The following YBEY variants were observed in gnomAD, a reference collection of about 807,000 sequenced individuals.
The protein encoded by YBEY is ybeY metalloendoribonuclease.
YBEY carries 15 observed loss-of-function variants against 13.5 expected under a neutral mutation model. That is an observed-to-expected ratio of 1.11 (90% CI 0.75 to 1.72). The LOEUF is 1.72. YBEY is among the 40% of genes most tolerant of loss of function. The probability of loss-of-function intolerance (pLI) is 0.00; values close to 1 mark genes in which losing one functional copy is unlikely to be tolerated. For synonymous variants in YBEY, 101 were observed against 83.1 expected (o/e 1.21, Z -1.17); for missense variants, 244 against 208.4 (o/e 1.17, Z -1.05).
At chr21:46,286,624 CAACCCG>C (rs2145742322) in intron 1 of YBEY, 2 of 253,108 alleles carry the variant, frequency 7.9e-6, no homozygotes, top group Non-Finnish European at 1.5e-5. Context: ...CGCGCACCCC[CAACCCG>C]CCCCCTTTTC....
chr21:46,311,978 T>TCCATCCAC, the YBEY span, among the ~76,000 whole-genome samples: 2 of 12,166 alleles, frequency 1.6e-4, no homozygotes, highest in African/African-American at 6.8e-4. Flanking sequence ...CACCCACCCA[T>TCCATCCAC]CCATCCACCC....
Position 46,286,908 on chromosome 21 carries a change from C to T in YBEY, c.-6C>T. 6.2e-7 allele frequency: 1 copy of T among 1,613,726 alleles called. No individual in the cohort carries two copies. The highest frequency in any genetic ancestry group is 8.5e-7 in the Non-Finnish European group (1 of 1,179,900). On this transcript the variant is annotated 5_prime_UTR_variant, in exon 2 of 5. Coordinates refer to ENST00000397701, the MANE Select transcript of YBEY (RefSeq NM_001314025.2). ...CATTTTTAAAGGGCTGGTTATTCTT[C>T]CTGAAATGAGTTTGGTGATTAGAAA... is the stretch of plus-strand genomic sequence containing the variant.
At chr21:46,309,175 C>T in the YBEY span, among the ~76,000 whole-genome samples, 5 of 151,674 alleles carry the variant, frequency 3.3e-5, no homozygotes, top group Admixed American at 2.0e-4. Context: ...AAAAATTAAC[C>T]GAAGGCCAGG....
intron 3 of YBEY, among the ~76,000 whole-genome samples, chr21:46,295,033 A>G (rs2145828509): frequency 6.6e-6 from 1 of 152,246 alleles, no homozygotes; most frequent in South Asian, 2.1e-4. Context: ...TCTGAGAGTG[A>G]CAGGAAGTGG....
chr21:46,310,812 TC>T, the YBEY span, among the ~76,000 whole-genome samples: 6 of 151,248 alleles, frequency 4.0e-5, no homozygotes, highest in Non-Finnish European at 8.9e-5. Context: ...ACTCTCTCTC[TC>T]TCTCTCTAAA....
chr21:46,297,156 G>T (rs1262010823), intron 4 of YBEY, among the ~76,000 whole-genome samples: 1 of 151,962 alleles, frequency 6.6e-6, no homozygotes, highest in Admixed American at 6.6e-5. Flanking sequence ...AAGATTAGCC[G>T]GGCGTGGTGG....
At chr21:46,298,203 C>A (rs1020494568), downstream of YBEY, among the ~76,000 whole-genome samples, 5 of 152,060 alleles carry the variant, frequency 3.3e-5, no homozygotes, top group Non-Finnish European at 5.9e-5. Flanking sequence ...CAATTCTGCT[C>A]ATCTGTTTGT....
chr21:46,288,448 T>A (rs750826134), intron 2 of YBEY, among the ~76,000 whole-genome samples: 1 of 152,008 alleles, frequency 6.6e-6, no homozygotes, highest in South Asian at 2.1e-4. Context: ...GAGGCCGAGG[T>A]GGGTGGATCA....
chr21:46,286,705 T>C (rs2081450633), intron 1 of YBEY, 165 bp from the exon 2 acceptor site: 2 of 530,246 alleles, frequency 3.8e-6, no homozygotes, highest in Non-Finnish European at 6.6e-6. Context: ...GCGGCATCCT[T>C]CCATAGACCC....
At chr21:46,308,471 A>G in the YBEY span, among the ~76,000 whole-genome samples, 37 of 152,188 alleles carry the variant, frequency 2.4e-4, no homozygotes, top group South Asian at 7.5e-3. Flanking sequence ...AAAAAAAAAG[A>G]GTTAAATCTC....
rs557848211 is a variant in YBEY at position 46,291,193 on chromosome 21, G to A, written c.211-141G>A. ...GCCTGGGCAACAAGAGTGAAACTCC[G>A]TCTCAAAAAAAAAAAAAAAAAAAGT... On this transcript the variant is annotated intron_variant, in intron 2 of 4. Coordinates refer to ENST00000397701, the MANE Select transcript of YBEY (RefSeq NM_001314025.2). 1.2e-4 allele frequency: 106 copies of A among 902,774 alleles called. 1 individual carries two copies. The East Asian group carries it at 2.2e-3, about 18-fold the overall frequency. The allele number at this position is 902,774 out of a possible 1,614,324, so 55.9% of individuals were successfully genotyped here. A position where few individuals can be genotyped will look rare whatever the true frequency, so the allele number is the denominator to read the frequency against.
the YBEY span, among the ~76,000 whole-genome samples, chr21:46,310,903 C>T: frequency 6.6e-5 from 10 of 152,022 alleles, no homozygotes; most frequent in Non-Finnish European, 1.3e-4. Flanking sequence ...GAGTCTCACT[C>T]TGTCGCCCAG....
chr21:46,301,284 G>A (rs934477124), downstream of YBEY: 2 of 256,188 alleles, frequency 7.8e-6, no homozygotes, highest in Admixed American at 6.5e-5. Flanking sequence ...TGAGATAACA[G>A]GCGCATATCA....
At chr21:46,301,882 C>T (rs1172557545), downstream of YBEY, 4 of 1,330,864 alleles carry the variant, frequency 3.0e-6, no homozygotes, top group East Asian at 1.2e-4. Flanking sequence ...CTCGCGTAGC[C>T]ACTCCGGGTG....
rs539654390 is a variant in YBEY at position 46,295,987 on chromosome 21, A to G, written c.340-175A>G. 2.0e-5 allele frequency among the ~76,000 whole-genome samples: 3 copies of G among 152,052 alleles called. No individual in the cohort carries two copies. The East Asian group carries it at 5.8e-4, about 29-fold the overall frequency. On this transcript the variant is annotated intron_variant, in intron 3 of 4. Transcript: ENST00000397701. ...TCTCAAAGGGGCTTGCTTGCTTTCC[A>G]TTTTAGATGGAAGGGAACTGAAGCT...
the YBEY span, among the ~76,000 whole-genome samples, chr21:46,303,741 ATATATTTTTTTTTTTTTT>A: frequency 4.9e-4 from 12 of 24,264 alleles, 1 homozygote; most frequent in East Asian, 7.0e-3. Context: ...ATATATATAT[ATATATTTTTTTTTTTTTT>A]TTTTTTTTTG....
chr21:46,297,627 G>A lies in YBEY; in HGVS notation c.497G>A (p.Gly166Glu), dbSNP rs1195302800. 3 of 1,322,348 alleles carry A rather than the reference G, an allele frequency of 2.3e-6. No homozygotes were observed. The highest frequency in any genetic ancestry group is 2.9e-6 in the Non-Finnish European group (3 of 1,023,110). 81.9% of individuals were successfully genotyped at this position (1,322,348 alleles called of 1,614,324 possible). ...CCCCTGACCCGGGGCCTCTTCGGAG[G>A]GAGCTGAGGGCCGCGTTCCTTCTGA... ...LQPLTRGLFG[G>E]S The change falls in exon 5 of 5, where the codon GGG (glycine) becomes GAG (glutamate). Residue 166 changes from glycine to glutamate, a missense_variant. Gly to Glu is a moderately conservative substitution (Grantham distance 98, BLOSUM62 -2). Transcript: ENST00000397701.
chr21:46,309,376 C>T, the YBEY span, among the ~76,000 whole-genome samples: 349 of 151,364 alleles, frequency 2.3e-3, 4 homozygotes, highest in Non-Finnish European at 3.7e-3. Context: ...GCAGGAGAAT[C>T]GCTTGAACCC....
intron 2 of YBEY, 72 bp downstream of exon 2, chr21:46,287,195 TTTG>T (rs2081480870): frequency 7.0e-7 from 1 of 1,423,474 alleles, no homozygotes; most frequent in African/African-American, 1.4e-5. Context: ...TTTGTTTTGT[TTTG>T]TTTTGTTTTT....
Sources: allele counts gnomAD v4.1 joint callset (sites outside exome capture counted in the v4.1 genomes callset), GRCh38; gene constraint gnomAD v4.1.1; transcripts MANE v1.5; gene names NCBI Gene and HGNC (gene_info 2026-07-23, HGNC 2026-07-21).